Variants in RABGAP1L observed in about 807,000 individuals in gnomAD.
RABGAP1L encodes the protein rab GTPase-activating protein 1-like.
A neutral mutation model predicts 137.7 loss-of-function variants in RABGAP1L; 63 were observed. The observed-to-expected ratio is 0.46, with a 90% CI of 0.37 to 0.56. The LOEUF is 0.56. Among genes scored for constraint, RABGAP1L ranks in the 20% least tolerant of loss-of-function variants. The probability of loss-of-function intolerance (pLI) is 0.00; values close to 1 mark genes in which losing one functional copy is unlikely to be tolerated. For synonymous variants in RABGAP1L, 431 were observed against 433.7 expected, an observed-to-expected ratio of 0.99 and a Z score of 0.08; for missense variants, 1,095 against 1,244.0, an observed-to-expected ratio of 0.88 and a Z score of 1.80.
chr1:174,320,438 GC>G (rs1679851708), intron 11 of RABGAP1L, among the ~76,000 whole-genome samples: 1 of 152,102 alleles, frequency 6.6e-6, no homozygotes, highest in African/African-American at 2.4e-5. Context: ...TTGCTGAGTA[GC>G]AATCTGTTGT....
chr1:174,323,149 A>AC (rs1680153638), intron 11 of RABGAP1L, among the ~76,000 whole-genome samples: 3 of 152,196 alleles, frequency 2.0e-5, no homozygotes, highest in African/African-American at 4.8e-5. Flanking sequence ...GTTTGAAGAA[A>AC]GATAACTGAT....
chr1:174,444,115 T>A (rs912435948), intron 13 of RABGAP1L, among the ~76,000 whole-genome samples: 9 of 152,102 alleles, frequency 5.9e-5, no homozygotes, highest in African/African-American at 1.9e-4. Flanking sequence ...GAGTGATGCC[T>A]CTAGCTTTGT....
intron 11 of RABGAP1L, among the ~76,000 whole-genome samples, chr1:174,349,597 A>G (rs1335297967): frequency 1.1e-5 from 1 of 89,466 alleles, no homozygotes; most frequent in Non-Finnish European, 2.3e-5. Flanking sequence ...GACCCCCCCC[A>G]CCTCCCTCCC....
At chr1:174,831,371 A>G (rs1178548989) in intron 19 of RABGAP1L, among the ~76,000 whole-genome samples, 3 of 148,354 alleles carry the variant, frequency 2.0e-5, no homozygotes, top group Non-Finnish European at 3.0e-5. Flanking sequence ...TTAAAGTTGA[A>G]TATTACAATT....
At chr1:174,478,045 A>G (rs1008141103) in intron 13 of RABGAP1L, among the ~76,000 whole-genome samples, 2 of 152,132 alleles carry the variant, frequency 1.3e-5, no homozygotes, top group African/African-American at 4.8e-5. Flanking sequence ...AGTTTGTACT[A>G]TGTACATAAA....
intron 13 of RABGAP1L, chr1:174,547,903 A>G: frequency 1.3e-6 from 2 of 1,549,666 alleles, no homozygotes; most frequent in Non-Finnish European, 1.7e-6. Flanking sequence ...AGGGTCTATG[A>G]AGGTCTCCAT....
chr1:174,522,303 C>G (rs985098587), intron 13 of RABGAP1L, among the ~76,000 whole-genome samples: 5 of 152,142 alleles, frequency 3.3e-5, no homozygotes, highest in African/African-American at 1.2e-4. Context: ...TGAGTCCAGA[C>G]ACAGTGACTC....
intron 13 of RABGAP1L, among the ~76,000 whole-genome samples, chr1:174,549,826 T>C (rs1411034922): frequency 1.3e-5 from 2 of 152,168 alleles, no homozygotes; most frequent in African/African-American, 4.8e-5. Flanking sequence ...AGACAGTTTA[T>C]AATCCCTTCC....
intron 13 of RABGAP1L, among the ~76,000 whole-genome samples, chr1:174,610,728 C>A (rs542200216): frequency 3.5e-4 from 54 of 152,292 alleles, no homozygotes; most frequent in African/African-American, 1.2e-3. Context: ...TCTTTCCTGA[C>A]TTTTTAATGA....
intron 7 of RABGAP1L, among the ~76,000 whole-genome samples, chr1:174,256,650 G>C (rs750009273): frequency 1.7e-4 from 26 of 152,112 alleles, no homozygotes; most frequent in Non-Finnish European, 2.6e-4. Flanking sequence ...GCGTGGTGGC[G>C]GGTGCCAGTG....
In RABGAP1L at chr1:174,977,474, T is replaced by C. The variant is rs552738898; in HGVS notation, c.2649+1292T>C. On this transcript the variant is annotated intron_variant, in intron 22 of 25. Transcript: ENST00000681986. ...CCTGCTCCGTGGTTCCATAGACATA[T>C]ATACTAGCCTGTAAGCAATTGATAC... Among the ~76,000 whole-genome samples, 49 of 152,348 alleles carry C rather than the reference T, an allele frequency of 3.2e-4. 1 individual carries two copies. The East Asian group carries it at 9.4e-3, about 29-fold the overall frequency.
chr1:174,421,437 A>G (rs1651282470), intron 13 of RABGAP1L, among the ~76,000 whole-genome samples: 1 of 152,236 alleles, frequency 6.6e-6, no homozygotes. Context: ...TGACATATTC[A>G]GGATATAGAA....
At chr1:174,657,535 ATGTCCTCCT>A (rs1676052381) in intron 14 of RABGAP1L, among the ~76,000 whole-genome samples, 1 of 152,102 alleles carries the variant, frequency 6.6e-6, no homozygotes, top group Non-Finnish European at 1.5e-5. Context: ...ATTTAACATA[ATGTCCTCCT>A]TTTTCATGTT....
In RABGAP1L at chr1:174,240,369, C is replaced by T. The variant is rs572921758; in HGVS notation, c.543-1114C>T. 2.0e-5 allele frequency among the ~76,000 whole-genome samples: 3 copies of T among 152,338 alleles called. No homozygotes were observed. The East Asian group carries it at 5.8e-4, about 29-fold the overall frequency. ...TCAAGCGATTCTCATACCTCGGCCTCCTGAATAGCTGGGAATACCGGTTCC... is the reference window on the plus strand; with the variant it reads ...TCAAGCGATTCTCATACCTCGGCCTTCTGAATAGCTGGGAATACCGGTTCC... On this transcript the variant is annotated intron_variant, in intron 4 of 25. Transcript: ENST00000681986.
At chr1:174,495,747 C>T (rs1354882367) in intron 13 of RABGAP1L, among the ~76,000 whole-genome samples, 3 of 152,132 alleles carry the variant, frequency 2.0e-5, no homozygotes, top group Non-Finnish European at 2.9e-5. Context: ...TCATATCTTA[C>T]TGGTAGATAT....
At chr1:174,514,263 A>AC (rs1161736887) in intron 13 of RABGAP1L, among the ~76,000 whole-genome samples, 1 of 151,300 alleles carries the variant, frequency 6.6e-6, no homozygotes, top group Non-Finnish European at 1.5e-5. Context: ...AAAAAAAAAA[A>AC]AAAAAAACTG....
intron 15 of RABGAP1L, among the ~76,000 whole-genome samples, chr1:174,685,321 C>T (rs1049330985): frequency 3.3e-5 from 5 of 152,116 alleles, no homozygotes; most frequent in Non-Finnish European, 7.3e-5. Context: ...GGCACAATCT[C>T]GGCTCACTGC....
intron 15 of RABGAP1L, among the ~76,000 whole-genome samples, chr1:174,697,935 A>G (rs941029964): frequency 1.3e-5 from 2 of 152,238 alleles, no homozygotes; most frequent in African/African-American, 4.8e-5. Context: ...TGAAAACACT[A>G]TAATGTATTT....
At chr1:174,856,867 C>A (rs937885382) in intron 19 of RABGAP1L, among the ~76,000 whole-genome samples, 1 of 151,356 alleles carries the variant, frequency 6.6e-6, no homozygotes, top group Non-Finnish European at 1.5e-5. Flanking sequence ...GCGGAGGTTG[C>A]AGTGAGTCAA....
Sources: gnomAD v4.1 joint callset for allele counts (sites outside exome capture counted in the v4.1 genomes callset) on GRCh38, gnomAD v4.1.1 for gene constraint, MANE v1.5 for transcripts, NCBI Gene and HGNC (gene_info 2026-07-23, HGNC 2026-07-21) for gene names.